Variants in TAFA2 observed in about 807,000 individuals in gnomAD.
TAFA2 encodes TAFA chemokine like family member 2.
A neutral mutation model predicts 18.8 loss-of-function variants in TAFA2; 7 were observed. That is an observed-to-expected ratio of 0.37 (90% CI 0.21 to 0.70). The LOEUF is 0.70. Among genes scored for constraint, TAFA2 ranks in the 30% least tolerant of loss-of-function variants. The pLI is 0.53. For synonymous variants in TAFA2, 60 were observed against 54.2 expected (o/e 1.11, Z -0.47); for missense variants, 122 against 158.1 (o/e 0.77, Z 1.23).
Position 61,856,654 on chromosome 12 carries a change from T to C in TAFA2, c.106+10666A>G, listed in dbSNP as rs986548406. On this transcript the variant is annotated intron_variant, in intron 2 of 4. Transcript: ENST00000416284. ...GTCTAGATCATTTTTGTTAGTGCTA[T>C]TTTATACTTTCTAAATATCCTGAGT... 2.0e-5 allele frequency among the ~76,000 whole-genome samples: 3 copies of C among 151,958 alleles called. 1 individual carries two copies.
chr12:62,177,538 T>C (rs1410983744), intron 1 of TAFA2, among the ~76,000 whole-genome samples: 1 of 152,234 alleles, frequency 6.6e-6, no homozygotes, highest in Non-Finnish European at 1.5e-5. Context: ...CTGCTAACAG[T>C]ACACTAATGA....
intron 1 of TAFA2, among the ~76,000 whole-genome samples, chr12:62,079,902 C>T (rs980786981): frequency 6.6e-6 from 1 of 152,154 alleles, no homozygotes; most frequent in African/African-American, 2.4e-5. Context: ...AACTTGACAG[C>T]TTAAAACAAT....
intron 1 of TAFA2, chr12:62,235,515 T>G (rs894153629): frequency 1.9e-6 from 1 of 531,624 alleles, no homozygotes; most frequent in African/African-American, 2.0e-5. Flanking sequence ...CGGCTGTACA[T>G]GAAGACTAGG....
chr12:61,850,167 T>C (rs1259547653), intron 2 of TAFA2, among the ~76,000 whole-genome samples: 1 of 151,944 alleles, frequency 6.6e-6, no homozygotes, highest in Non-Finnish European at 1.5e-5. Flanking sequence ...GGTATTAAAA[T>C]TTTAAGGGAG....
At chr12:62,225,678 C>T (rs1028494679) in intron 1 of TAFA2, among the ~76,000 whole-genome samples, 1 of 151,960 alleles carries the variant, frequency 6.6e-6, no homozygotes, top group African/African-American at 2.4e-5. Context: ...TCAAAGGAGA[C>T]ATTTTATAGA....
At chr12:61,879,369 C>CT (rs1273768353) in intron 1 of TAFA2, 32 of 741,378 alleles carry the variant, frequency 4.3e-5, no homozygotes, top group South Asian at 3.5e-4. Context: ...CTCTGGCCCC[C>CT]GGGCCTTCAG....
intron 1 of TAFA2, among the ~76,000 whole-genome samples, chr12:62,211,773 G>A (rs1462332352): frequency 6.6e-6 from 1 of 152,122 alleles, no homozygotes; most frequent in Admixed American, 6.5e-5. Context: ...TAAGACTATA[G>A]ATATAGATTA....
chr12:62,251,958 T>G (rs1204772597), intron 1 of TAFA2: 2 of 152,374 alleles, frequency 1.3e-5, no homozygotes, highest in East Asian at 3.9e-4. Flanking sequence ...CATGCTCCAC[T>G]CAGACCTTTA....
chr12:61,838,994 G>A (rs1873056078), intron 2 of TAFA2, among the ~76,000 whole-genome samples: 1 of 151,976 alleles, frequency 6.6e-6, no homozygotes, highest in Non-Finnish European at 1.5e-5. Flanking sequence ...TGCCTTAGGG[G>A]GAAAAAGAAA....
rs369401390 is a variant in TAFA2, at chr12:62,098,096, T to G, written c.-2+93163A>C. Among the ~76,000 whole-genome samples the G allele has an allele frequency of 2.0e-5, 3 of 152,218 alleles. No individual in the cohort carries two copies. The East Asian group carries it at 5.8e-4, about 29-fold the overall frequency. On this transcript the variant is annotated intron_variant, in intron 1 of 4. Transcript: ENST00000416284. ...ATCTGTCAAAATTTGACTTCAGTGA[T>G]AAATGGTGTTGCCTTAACATTTTAT...
chr12:62,256,447 A>G (rs1434583731), intron 1 of TAFA2, among the ~76,000 whole-genome samples: 1 of 152,146 alleles, frequency 6.6e-6, no homozygotes, highest in East Asian at 1.9e-4. Flanking sequence ...ACAACTCCTT[A>G]TTATCCCCAA....
At chr12:62,241,634 T>C (rs1000390336) in intron 1 of TAFA2, among the ~76,000 whole-genome samples, 2 of 152,224 alleles carry the variant, frequency 1.3e-5, no homozygotes, top group African/African-American at 4.8e-5. Context: ...GACTTACAGA[T>C]TGTAGGCTTG....
intron 1 of TAFA2, among the ~76,000 whole-genome samples, chr12:62,182,222 A>T (rs939949246): frequency 6.6e-6 from 1 of 152,198 alleles, no homozygotes. Flanking sequence ...ACTTGTATTA[A>T]TATGTGAAAA....
intron 2 of TAFA2, among the ~76,000 whole-genome samples, chr12:61,797,930 T>A (rs1871251710): frequency 6.6e-6 from 1 of 152,180 alleles, no homozygotes; most frequent in African/African-American, 2.4e-5. Flanking sequence ...ACATTTTATA[T>A]CATATACAGT....
chr12:62,202,358 T>C (rs1299724272), intron 1 of TAFA2, among the ~76,000 whole-genome samples: 1 of 151,840 alleles, frequency 6.6e-6, no homozygotes. Context: ...TTTTTTTTTT[T>C]CTTTTTGAGA....
At chr12:61,941,818 G>T (rs954020930) in intron 1 of TAFA2, among the ~76,000 whole-genome samples, 2 of 152,120 alleles carry the variant, frequency 1.3e-5, no homozygotes, top group Non-Finnish European at 2.9e-5. Flanking sequence ...ACGGAATCTC[G>T]CTGATTGCTA....
At chr12:62,085,805 C>G (rs545554357) in intron 1 of TAFA2, among the ~76,000 whole-genome samples, 1 of 152,236 alleles carries the variant, frequency 6.6e-6, no homozygotes, top group South Asian at 2.1e-4. Context: ...TGTCCCCATC[C>G]TAAACTCCTG....
At chr12:62,139,693 T>C (rs912768718) in intron 1 of TAFA2, among the ~76,000 whole-genome samples, 2 of 152,076 alleles carry the variant, frequency 1.3e-5, no homozygotes, top group African/African-American at 4.8e-5. Flanking sequence ...TAGCATGTGA[T>C]AAAAAGAAAA....
At chr12:62,029,031 T>A (rs1020039469) in intron 1 of TAFA2, among the ~76,000 whole-genome samples, 1 of 152,172 alleles carries the variant, frequency 6.6e-6, no homozygotes, top group Non-Finnish European at 1.5e-5. Context: ...AGAAAATTTA[T>A]AAAGAGATTT....
Sources: allele counts gnomAD v4.1 joint callset (sites outside exome capture counted in the v4.1 genomes callset), GRCh38; gene constraint gnomAD v4.1.1; transcripts MANE v1.5; gene names NCBI Gene and HGNC (gene_info 2026-07-23, HGNC 2026-07-21).